PASK: variants seen among roughly 807,000 people sequenced by gnomAD.
PASK encodes the protein PAS domain containing serine/threonine kinase.
PASK carries 110 observed loss-of-function variants against 121.0 expected under a neutral mutation model. That is an observed-to-expected ratio of 0.91 (90% CI 0.78 to 1.06). The LOEUF (loss-of-function observed/expected upper bound fraction) is 1.06. Ranked by LOEUF, PASK falls within the 50% of genes least tolerant of loss-of-function variation. PASK has a pLI of 0.00. For synonymous variants in PASK, 686 were observed against 717.8 expected (o/e 0.96, Z 0.71); for missense variants, 1,643 against 1,702.3 (o/e 0.97, Z 0.61).
intron 9 of PASK, among the ~76,000 whole-genome samples, chr2:241,132,354 A>G (rs2066187765): frequency 6.6e-6 from 1 of 151,462 alleles, no homozygotes; most frequent in South Asian, 2.1e-4. Flanking sequence ...GAAACTAAAA[A>G]AAATACAAAA....
Position 241,127,018 on chromosome 2 carries a change from T to C in PASK, c.1897A>G (p.Met633Val). The C allele has an allele frequency of 1.2e-6, 2 of 1,614,156 alleles. No homozygotes were observed. Among genetic ancestry groups the C allele is most frequent in the South Asian group, 2.2e-5 (2 of 91,082 alleles). Reference sequence around the variant, plus strand: ...GGTGTCCCAAACGAGAGGCCTGCCATCCCAGAGGGGCTGGGGGCCAAGTCC... The same window carrying C: ...GGTGTCCCAAACGAGAGGCCTGCCACCCCAGAGGGGCTGGGGGCCAAGTCC... ...SQDLAPSPSG[M>V]AGLSFGTPTL... Residue 633 changes from methionine to valine, a missense_variant, in exon 10 of 18, where the codon ATG (methionine) becomes GTG (valine). Transcript: ENST00000234040.
chr2:241,119,779 C>CT (rs1390698280), intron 12 of PASK, among the ~76,000 whole-genome samples: 1 of 152,070 alleles, frequency 6.6e-6, no homozygotes, highest in African/African-American at 2.4e-5. Context: ...CTGCAAGATG[C>CT]TTCTTAATAA....
Position 241,112,364 on chromosome 2 carries a change from C to G in PASK, c.3409G>C (p.Ala1137Pro). Residue 1137 changes from alanine to proline, a missense_variant, in exon 15 of 18, where the codon GCC (alanine) becomes CCC (proline). Ala to Pro is a conservative substitution (Grantham distance 27). Around this residue, in one of 3 missense-constraint regions of PASK, gnomAD observed 453 missense variants for 511.2 expected, o/e 0.89. Transcript: ENST00000234040. This position sits in a 1 kb window ranked among gnomAD's most constrained non-coding sequence, Gnocchi z 5.2. ...RDIKDENIVI[A>P]EDFTIKLIDF... ...ATCAGCTTGATTGTGAAGTCCTCGG[C>G]GATCACGATGTTCTCATCCTTGATG... is the stretch of plus-strand genomic sequence containing the variant. The G allele has an allele frequency of 6.2e-7, 1 of 1,613,420 alleles. No homozygotes were observed. The highest frequency in any genetic ancestry group is 1.3e-5 in the African/African-American group (1 of 74,952).
Position 241,126,708 on chromosome 2 carries a change from A to C in PASK, c.2207T>G (p.Val736Gly), listed in dbSNP as rs777034936. The change falls in exon 10 of 18, where the codon GTG becomes GGG. Residue 736 changes from valine (V) to glycine (G), a missense_variant. Val to Gly is a moderately radical substitution (Grantham distance 109, BLOSUM62 -3). Transcript: ENST00000234040. ...LEAVEAQEVD[V>G]NSFSWNLKEL... The stretch of plus-strand genomic sequence containing the variant: ...CTTGAGGTTCCAGGAAAACGAATTC[A>C]CATCAACCTCCTGGGCCTCCACTGC... 1 of 1,614,202 alleles carries C rather than the reference A, an allele frequency of 6.2e-7. No individual in the cohort carries two copies. The highest frequency in any genetic ancestry group is 1.1e-5 in the South Asian group (1 of 91,090).
chr2:241,135,807 G>C, intron 8 of PASK, 64 bp downstream of exon 8: 1 of 1,475,630 alleles, frequency 6.8e-7, no homozygotes. Context: ...CCCTGTCTCA[G>C]AGGCATGGGG....
intron 12 of PASK, among the ~76,000 whole-genome samples, chr2:241,120,357 G>C (rs993335785): frequency 6.6e-6 from 1 of 152,154 alleles, no homozygotes; most frequent in Non-Finnish European, 1.5e-5. Context: ...GCTGGGCCTG[G>C]TGGTGTGCAC....
upstream of PASK, chr2:241,150,269 C>G: frequency 7.6e-7 from 1 of 1,319,782 alleles, no homozygotes; most frequent in Non-Finnish European, 9.7e-7. Context: ...CTTCTCGCCT[C>G]CAGACTGTTC....
Position 241,106,469 on chromosome 2 carries a change from TG to T in PASK, c.*96del, listed in dbSNP as rs1361588928. On this transcript the variant is annotated 3_prime_UTR_variant, in exon 18 of 18. Transcript: ENST00000234040. The stretch of plus-strand genomic sequence containing the variant: ...GCACATGAGTTTTTAGAAGGTGAAT[TG>T]GGGATGCTTCAGAATGTATTTTCTC... The T allele has an allele frequency of 2.5e-5, 31 of 1,258,984 alleles. No individual in the cohort carries two copies. The highest frequency in any genetic ancestry group is 3.4e-5 in the Non-Finnish European group (29 of 859,468). 78.0% of individuals were successfully genotyped at this position (1,258,984 alleles called of 1,614,324 possible). A position where few individuals can be genotyped will look rare whatever the true frequency, so the allele number is the denominator to read the frequency against.
chr2:241,138,737 T>A lies in PASK; in HGVS notation c.658A>T (p.Met220Leu). 11 of 1,614,118 alleles carry A rather than the reference T, an allele frequency of 6.8e-6. No individual in the cohort carries two copies. Among genetic ancestry groups the A allele is most frequent in the Non-Finnish European group, 8.5e-6 (10 of 1,179,982 alleles). Residue 220 changes from methionine (M) to leucine (L), a missense_variant, in exon 5 of 18, where the codon ATG becomes TTG. Physicochemically the swap from Met to Leu is conservative, Grantham distance 15. Around this residue, in one of 3 missense-constraint regions of PASK, gnomAD observed 1,176 missense variants for 1,162.2 expected, o/e 1.01. Transcript: ENST00000234040. ...KIPVSVWMKR[M>L]RQERRLCCVV... ...CAGCATAGGCGGCGCTCCTGCCGCA[T>A]CCTCTTCATCCACACAGACACTGGA...
intron 17 of PASK, among the ~76,000 whole-genome samples, 171 bp downstream of exon 17, chr2:241,107,182 A>C (rs538638288): frequency 3.3e-5 from 5 of 152,160 alleles, no homozygotes; most frequent in Non-Finnish European, 7.3e-5. Context: ...TCGGGACAGA[A>C]TCAAACCCCC....
chr2:241,148,962 G>A (rs895715969), intron 1 of PASK, among the ~76,000 whole-genome samples: 4 of 152,088 alleles, frequency 2.6e-5, no homozygotes, highest in Non-Finnish European at 5.9e-5. Context: ...CACGAGCGCC[G>A]GCGGCGCGCG....
At chr2:241,130,071 A>ACT (rs972704744) in intron 9 of PASK, among the ~76,000 whole-genome samples, 1 of 151,822 alleles carries the variant, frequency 6.6e-6, no homozygotes, top group African/African-American at 2.4e-5. Flanking sequence ...ACACAAAAGC[A>ACT]CTCCGTACAG....
intron 9 of PASK, chr2:241,127,793 A>AG (rs1191220340): frequency 2.6e-6 from 1 of 380,018 alleles, no homozygotes; most frequent in Non-Finnish European, 5.0e-6. Context: ...CCCACCTGCA[A>AG]GGGGAAGTCC....
At chr2:241,134,501 A>C (rs1360977672) in intron 8 of PASK, 1 of 152,250 alleles carries the variant, frequency 6.6e-6, no homozygotes, top group African/African-American at 2.4e-5. Context: ...GGCTGGGCGC[A>C]TGTGCCAAAG....
chr2:241,149,984 G>A, upstream of PASK: 6 of 1,418,018 alleles, frequency 4.2e-6, no homozygotes, highest in East Asian at 2.6e-5. Flanking sequence ...GGGGACGCCG[G>A]GAGAATGTTG....
chr2:241,106,335 A>C lies in PASK; in HGVS notation c.*231T>G. 1 of 585,926 alleles carries C rather than the reference A, an allele frequency of 1.7e-6. No individual in the cohort carries two copies. The highest frequency in any genetic ancestry group is 2.0e-5 in the South Asian group (1 of 50,022). The allele number at this position is 585,926 out of a possible 1,614,324, so 36.3% of individuals were successfully genotyped here. On this transcript the variant is annotated 3_prime_UTR_variant, in exon 18 of 18. Transcript: ENST00000234040. ...CCCTTTAATAATATAAAACAGTTGA[A>C]CACTGGAATGTTTTTTTCTAGGTCA... is the stretch of plus-strand genomic sequence containing the variant.
rs766557272 is a variant in PASK, at chr2:241,142,909, A to T, written c.124T>A (p.Ser42Thr). 1 of 1,614,060 alleles carries T rather than the reference A, an allele frequency of 6.2e-7. No homozygotes were observed. ...CTGCTCAGGTGTCTGTGGGCTGAGGAAAACGACCTGCTGGGCTCAGCAGTG... is the reference window on the plus strand; with the variant it reads ...CTGCTCAGGTGTCTGTGGGCTGAGGTAAACGACCTGCTGGGCTCAGCAGTG... The part of the protein sequence containing the change: ...QTTAEPSRSF[S>T]SAHRHLSRRN... The change falls in exon 2 of 18, where the codon TCC becomes ACC. Residue 42 changes from serine (S) to threonine (T), a missense_variant. Ser to Thr is a moderately conservative substitution (Grantham distance 58). Around this residue, in one of 3 missense-constraint regions of PASK, gnomAD observed 1,176 missense variants for 1,162.2 expected, o/e 1.01. Transcript: ENST00000234040.
At position 241,139,984 on chromosome 2, in the gene PASK, G is replaced by A. The variant is rs768902699; in HGVS notation, c.501C>T (p.Leu167=). 3 of 1,614,028 alleles carry A rather than the reference G, an allele frequency of 1.9e-6. No homozygotes were observed. Among genetic ancestry groups the A allele is most frequent in the Non-Finnish European group, 2.5e-6 (3 of 1,179,868 alleles). Residue 167 remains leucine, a synonymous_variant, in exon 4 of 18, where the codon CTC becomes CTT. Transcript: ENST00000234040. ...YSSQDLIGQK[L]TQFFLRSDSD... ...AATCTGACCTCAGAAAGAACTGCGT[G>A]AGCTTCTGGCCAATCAGGTCCTGGC...
At chr2:241,123,855 C>A in intron 11 of PASK, 94 bp downstream of exon 11, 1 of 1,058,136 alleles carries the variant, frequency 9.5e-7, no homozygotes, top group South Asian at 1.3e-5. Flanking sequence ...AGACTGTATT[C>A]CCGTCCCCAA....
Sources: gnomAD v4.1 joint callset for allele counts (sites outside exome capture counted in the v4.1 genomes callset) on GRCh38, gnomAD v4.1.1 for gene constraint, gnomAD v4.1.1 regional missense constraint, Gnocchi (gnomAD v3.1) non-coding constraint, MANE v1.5 for transcripts, NCBI Gene and HGNC (gene_info 2026-07-23, HGNC 2026-07-21) for gene names.